The following IRAK2 variants were observed in gnomAD, a reference collection of about 807,000 sequenced individuals.
The protein encoded by IRAK2 is interleukin-1 receptor-associated kinase-like 2.
IRAK2 carries 57 observed loss-of-function variants against 72.0 expected under a neutral mutation model. The ratio of observed to expected loss-of-function variants is 0.79; its 90% CI spans 0.64 to 0.99. The LOEUF is 0.99. IRAK2 is among the 50% of genes least tolerant of loss of function. IRAK2 has a pLI of 0.00. For synonymous variants in IRAK2, 293 were observed against 312.7 expected, an observed-to-expected ratio of 0.94 and a Z score of 0.67; for missense variants, 790 against 794.4, an observed-to-expected ratio of 0.99 and a Z score of 0.07.
intron 11 of IRAK2, 68 bp from the exon 12 acceptor site, chr3:10,238,680 G>A: frequency 3.4e-6 from 5 of 1,479,982 alleles, no homozygotes; most frequent in Non-Finnish European, 4.6e-6. Flanking sequence ...CTGCTGGGAG[G>A]CCAGATGTTA....
intron 9 of IRAK2, among the ~76,000 whole-genome samples, chr3:10,223,336 C>T (rs566424978): frequency 6.7e-6 from 1 of 150,002 alleles, no homozygotes; most frequent in African/African-American, 2.4e-5. Context: ...CACCCAGCAT[C>T]CCACCCTACC....
At chr3:10,165,980 G>T (rs969523173) in intron 1 of IRAK2, among the ~76,000 whole-genome samples, 1 of 151,818 alleles carries the variant, frequency 6.6e-6, no homozygotes, top group Non-Finnish European at 1.5e-5. Flanking sequence ...CGCCCACCCT[G>T]GGCCTCCCAA....
At chr3:10,232,398 A>G (rs1391249360) in intron 10 of IRAK2, among the ~76,000 whole-genome samples, 1 of 152,198 alleles carries the variant, frequency 6.6e-6, no homozygotes, top group Non-Finnish European at 1.5e-5. Context: ...AGGCGCTGTG[A>G]GCCTCCCATT....
At chr3:10,176,361 C>T (rs1270294603) in intron 1 of IRAK2, among the ~76,000 whole-genome samples, 3 of 152,070 alleles carry the variant, frequency 2.0e-5, no homozygotes, top group African/African-American at 7.2e-5. Flanking sequence ...AGTGCAGTGA[C>T]ATCATCGTGG....
chr3:10,210,362 C>T (rs1203455557), intron 4 of IRAK2, among the ~76,000 whole-genome samples: 1 of 151,860 alleles, frequency 6.6e-6, no homozygotes, highest in African/African-American at 2.4e-5. Flanking sequence ...CCCTGGGTGA[C>T]AGAGTGAGAC....
chr3:10,187,516 A>G (rs1697096412), intron 2 of IRAK2, among the ~76,000 whole-genome samples: 1 of 152,166 alleles, frequency 6.6e-6, no homozygotes, highest in South Asian at 2.1e-4. Context: ...CTAGAGTAGC[A>G]TTTCCCACAC....
intron 3 of IRAK2, among the ~76,000 whole-genome samples, chr3:10,201,938 C>T (rs553506895): frequency 2.6e-5 from 4 of 152,284 alleles, no homozygotes; most frequent in Admixed American, 6.5e-5. Flanking sequence ...AATGACTTAG[C>T]GTTTGTACCT....
At chr3:10,227,799 G>GAAGC (rs1697803492) in intron 10 of IRAK2, among the ~76,000 whole-genome samples, 1 of 151,882 alleles carries the variant, frequency 6.6e-6, no homozygotes, top group African/African-American at 2.4e-5. Flanking sequence ...CTCCCGAGCA[G>GAAGC]CTGGGACTAC....
chr3:10,213,531 G>A lies in IRAK2; in HGVS notation c.771G>A (p.Glu257=), dbSNP rs55934261. The change falls in exon 6 of 13, where the codon GAG becomes GAA. Residue 257 remains glutamate (E), a synonymous_variant. Coordinates refer to ENST00000256458, the MANE Select transcript of IRAK2 (RefSeq NM_001570.4). ...CAATCGAAAGATTCTTCCAGGCAGA[G>A]TTGCAGATTTGTCTTAGGTAAGCCT... is the stretch of plus-strand genomic sequence containing the variant. The part of the protein sequence containing the change: ...PGSIERFFQA[E]LQICLRCCHP... 1.1e-3 allele frequency: 1,797 copies of A among 1,614,046 alleles called. 27 individuals are homozygous for A. In the East Asian group the frequency reaches 0.037, roughly 33 times the overall value.
chr3:10,199,821 G>A (rs1489547495), intron 2 of IRAK2, among the ~76,000 whole-genome samples: 6 of 151,872 alleles, frequency 4.0e-5, no homozygotes, highest in Non-Finnish European at 8.8e-5. Flanking sequence ...GTGGAAGCAG[G>A]TGTATGTGAC....
intron 8 of IRAK2, among the ~76,000 whole-genome samples, chr3:10,221,285 G>T (rs1450760399): frequency 1.6e-5 from 2 of 127,456 alleles, no homozygotes; most frequent in African/African-American, 6.2e-5. Flanking sequence ...ATGGAGTCGC[G>T]CTCTGTGGCC....
At chr3:10,239,073 A>G in intron 12 of IRAK2, 34 bp downstream of exon 12, 2 of 1,512,612 alleles carry the variant, frequency 1.3e-6, no homozygotes, top group African/African-American at 1.4e-5. Flanking sequence ...TTGGATGCTC[A>G]TGTGTGTGTC....
chr3:10,211,667 T>C (rs568586799), intron 4 of IRAK2, among the ~76,000 whole-genome samples: 1 of 152,242 alleles, frequency 6.6e-6, no homozygotes, highest in East Asian at 1.9e-4. Flanking sequence ...TTTTGTTAAA[T>C]AAATCCTAGT....
chr3:10,180,671 T>A (rs1198763781), intron 2 of IRAK2, among the ~76,000 whole-genome samples: 1 of 151,872 alleles, frequency 6.6e-6, no homozygotes, highest in Non-Finnish European at 1.5e-5. Flanking sequence ...ATCCCTCAGG[T>A]CTTCTGGAGT....
intron 4 of IRAK2, among the ~76,000 whole-genome samples, chr3:10,211,007 T>A (rs1697510048): frequency 6.6e-6 from 1 of 152,094 alleles, no homozygotes; most frequent in African/African-American, 2.4e-5. Context: ...TACATGCACA[T>A]GCCAGCATGT....
At chr3:10,232,264 G>A (rs1420610859) in intron 10 of IRAK2, among the ~76,000 whole-genome samples, 1 of 152,206 alleles carries the variant, frequency 6.6e-6, no homozygotes, top group Admixed American at 6.5e-5. Context: ...TCTGGGTTTT[G>A]CTCATTACAT....
At chr3:10,208,173 A>G (rs777234410) in intron 3 of IRAK2, among the ~76,000 whole-genome samples, 1 of 151,740 alleles carries the variant, frequency 6.6e-6, no homozygotes, top group East Asian at 1.9e-4. Context: ...GGCCTTGGCC[A>G]AAGGCCAAGG....
At chr3:10,203,469 C>T (rs1201116344) in intron 3 of IRAK2, among the ~76,000 whole-genome samples, 1 of 152,196 alleles carries the variant, frequency 6.6e-6, no homozygotes, top group Non-Finnish European at 1.5e-5. Flanking sequence ...CGGGAAAACC[C>T]CAAGGTTCCA....
chr3:10,223,270 G>A (rs9826961), intron 9 of IRAK2, among the ~76,000 whole-genome samples: 1 of 152,034 alleles, frequency 6.6e-6, no homozygotes, highest in South Asian at 2.1e-4. Context: ...TTTGTTCATC[G>A]CTGTCCGATC....
Sources: allele counts gnomAD v4.1 joint callset (sites outside exome capture counted in the v4.1 genomes callset), GRCh38; gene constraint gnomAD v4.1.1; transcripts MANE v1.5; gene names NCBI Gene and HGNC (gene_info 2026-07-23, HGNC 2026-07-21).